Variants in TEX264 observed in about 807,000 individuals in gnomAD.
The protein encoded by TEX264 is testis-expressed protein 264.
In TEX264, 13 loss-of-function variants were observed where a neutral mutation model predicts 23.4. That is an observed-to-expected ratio of 0.56 (90% CI 0.36 to 0.88). The LOEUF is 0.88. TEX264 is among the 40% of genes least tolerant of loss of function. TEX264 has a pLI of 0.01. For missense variants in TEX264, 340 were observed against 406.8 expected (o/e 0.84, Z 1.41); for synonymous variants, 159 against 170.0 (o/e 0.94, Z 0.50).
At chr3:51,682,840 G>C (rs1484695227) in intron 2 of TEX264, 4 of 152,300 alleles carry the variant, frequency 2.6e-5, no homozygotes, top group Admixed American at 2.6e-4. Flanking sequence ...CAGAGCTGCA[G>C]ACAGTTGAGG....
At chr3:51,672,417 T>C (rs1450733806) in intron 1 of TEX264, 1 of 149,586 alleles carries the variant, frequency 6.7e-6, no homozygotes, top group Non-Finnish European at 1.5e-5. Flanking sequence ...CCCCCGCCGT[T>C]TTCTGAGCAG....
intron 1 of TEX264, 74 bp from the exon 2 acceptor site, chr3:51,674,197 A>T: frequency 5.2e-6 from 8 of 1,535,338 alleles, no homozygotes; most frequent in Non-Finnish European, 7.1e-6. Context: ...GTTGGGCCAG[A>T]ACTGGTTGGC....
At chr3:51,692,015 C>CCCCCAGGGA (rs1702846527) in intron 3 of TEX264, among the ~76,000 whole-genome samples, 1 of 152,220 alleles carries the variant, frequency 6.6e-6, no homozygotes, top group Non-Finnish European at 1.5e-5. Context: ...CTTAGCCTCT[C>CCCCCAGGGA]TGGCTTTACC....
rs1198863842 is a variant in TEX264, at chr3:51,703,449, GAGGCTA to G, written c.650-273_650-268del. Among the ~76,000 whole-genome samples, 1 of 152,168 alleles carries G rather than the reference GAGGCTA, an allele frequency of 6.6e-6. No homozygotes were observed. Among genetic ancestry groups the G allele is most frequent in the African/African-American group, 2.4e-5 (1 of 41,446 alleles). On this transcript the variant is annotated intron_variant, in intron 4 of 4. Coordinates refer to ENST00000341333, the MANE Select transcript of TEX264 (RefSeq NM_015926.6). This position sits in a 1 kb window ranked among gnomAD's most constrained non-coding sequence, Gnocchi z 4.8. ...AGGCTTTGTGGAAGTGCAGGGAGCT[GAGGCTA>G]ATTTAGAGTGGGGAGAAGAGTGCAC...
rs757405334 is a variant in TEX264, at chr3:51,703,899, G to T, written c.825G>T (p.Glu275Asp). The change falls in exon 5 of 5, where the codon GAG becomes GAT. Residue 275 changes from glutamate (E) to aspartate (D), a missense_variant. Glu to Asp is a conservative substitution (Grantham distance 45, BLOSUM62 2). Transcript: ENST00000341333. This position sits in a 1 kb window ranked among gnomAD's most constrained non-coding sequence, Gnocchi z 4.8. ...GTGCCAGCGGCTCCTCTTTTGAGGAGCTGGACTTGGAGGGCGAGGGGCCCT... is the reference window on the plus strand; with the variant it reads ...GTGCCAGCGGCTCCTCTTTTGAGGATCTGGACTTGGAGGGCGAGGGGCCCT... ...ESGASGSSFE[E>D]LDLEGEGPLG... 2 of 1,611,354 alleles carry T rather than the reference G, an allele frequency of 1.2e-6. No homozygotes were observed. Among genetic ancestry groups the T allele is most frequent in the Non-Finnish European group, 1.7e-6 (2 of 1,178,164 alleles).
rs780205946 is a variant in TEX264 at position 51,674,536 on chromosome 3, G to T, written c.232G>T (p.Ala78Ser). ...CATCTCTCCCAAGCTCCGCTCCATCGCTGTCTACTATGACAACCCCCACAT... is the reference window on the plus strand; with the variant it reads ...CATCTCTCCCAAGCTCCGCTCCATCTCTGTCTACTATGACAACCCCCACAT... ...CSISPKLRSI[A>S]VYYDNPHMVP... Residue 78 changes from alanine (A) to serine (S), a missense_variant, in exon 2 of 5, where the codon GCT (alanine) becomes TCT (serine). Coordinates refer to ENST00000341333, the MANE Select transcript of TEX264 (RefSeq NM_015926.6). 6.2e-7 allele frequency: 1 copy of T among 1,614,084 alleles called. No individual in the cohort carries two copies. Among genetic ancestry groups the T allele is most frequent in the Admixed American group, 1.7e-5 (1 of 60,020 alleles).
chr3:51,690,005 C>T (rs181818484), intron 3 of TEX264, among the ~76,000 whole-genome samples: 1 of 152,316 alleles, frequency 6.6e-6, no homozygotes, highest in Non-Finnish European at 1.5e-5. Context: ...GGAACTAAGG[C>T]CTGTGGGCCC....
chr3:51,698,013 G>A (rs1372926346), intron 3 of TEX264, among the ~76,000 whole-genome samples: 1 of 152,136 alleles, frequency 6.6e-6, no homozygotes, highest in Non-Finnish European at 1.5e-5. Flanking sequence ...AGGATGGAAG[G>A]CTTTGCCTGG....
At chr3:51,675,626 G>A (rs1048276772) in intron 2 of TEX264, among the ~76,000 whole-genome samples, 2 of 152,234 alleles carry the variant, frequency 1.3e-5, no homozygotes, top group Non-Finnish European at 2.9e-5. Flanking sequence ...AAGACACTGT[G>A]CTTGATGTCC....
At chr3:51,684,678 C>T in intron 3 of TEX264, 44 bp downstream of exon 3, 1 of 1,596,202 alleles carries the variant, frequency 6.3e-7, no homozygotes, top group South Asian at 1.1e-5. Flanking sequence ...ACAGCCAGGC[C>T]CCTTGGGTGG....
intron 3 of TEX264, among the ~76,000 whole-genome samples, chr3:51,693,128 A>C (rs1702886875): frequency 6.6e-6 from 1 of 152,190 alleles, no homozygotes; most frequent in African/African-American, 2.4e-5. Context: ...ACTGCTGCCT[A>C]GGCCCTCCTC....
chr3:51,702,579 C>T (rs1185675269), intron 4 of TEX264, among the ~76,000 whole-genome samples: 1 of 152,226 alleles, frequency 6.6e-6, no homozygotes, highest in African/African-American at 2.4e-5. Flanking sequence ...ACCCCAGCTG[C>T]ACCTGGCTTG....
chr3:51,700,362 C>T (rs918403372), intron 4 of TEX264, among the ~76,000 whole-genome samples: 1 of 152,056 alleles, frequency 6.6e-6, no homozygotes, highest in Non-Finnish European at 1.5e-5. Context: ...TTAGCAGATG[C>T]TCTGCCCATC....
intron 2 of TEX264, among the ~76,000 whole-genome samples, chr3:51,680,043 C>A (rs188233521): frequency 6.6e-6 from 1 of 152,286 alleles, no homozygotes; most frequent in East Asian, 1.9e-4. Flanking sequence ...CTTGGGAGTA[C>A]AAGTGCAAAT....
At chr3:51,688,079 G>A (rs957586105) in intron 3 of TEX264, among the ~76,000 whole-genome samples, 1 of 152,240 alleles carries the variant, frequency 6.6e-6, no homozygotes, top group East Asian at 1.9e-4. Context: ...CATGCGTACT[G>A]TGTGACCATC....
intron 3 of TEX264, among the ~76,000 whole-genome samples, chr3:51,695,139 G>A (rs945320722): frequency 1.3e-5 from 2 of 152,216 alleles, no homozygotes; most frequent in African/African-American, 4.8e-5. Flanking sequence ...ACTACCTCGG[G>A]TGGGATGCAA....
intron 2 of TEX264, among the ~76,000 whole-genome samples, chr3:51,675,119 A>G (rs1406907444): frequency 6.6e-6 from 1 of 152,192 alleles, no homozygotes; most frequent in Non-Finnish European, 1.5e-5. Flanking sequence ...TTAGACCTCA[A>G]GCTGGTGCTG....
Position 51,689,450 on chromosome 3 carries a change from A to AT in TEX264, c.480+4818dup, listed in dbSNP as rs1702745304. On this transcript the variant is annotated intron_variant, in intron 3 of 4. Coordinates refer to ENST00000341333, the MANE Select transcript of TEX264 (RefSeq NM_015926.6). ...ATCTCAAAAAAATAAAAGTAAAAAC[A>AT]TTAAAAAAAAAAAAAAAGGGAAGGA... is the stretch of plus-strand genomic sequence containing the variant. Among the ~76,000 whole-genome samples the AT allele has an allele frequency of 2.1e-5, 3 of 144,710 alleles. No individual in the cohort carries two copies. In the South Asian group the frequency reaches 6.4e-4, roughly 31 times the overall value. The allele number at this position is 144,710 out of a possible 152,430, so 94.9% of individuals were successfully genotyped here. A position where few individuals can be genotyped will look rare whatever the true frequency, so the allele number is the denominator to read the frequency against.
chr3:51,699,879 C>T (rs1282089434), intron 4 of TEX264, among the ~76,000 whole-genome samples: 7 of 152,172 alleles, frequency 4.6e-5, no homozygotes, highest in Non-Finnish European at 8.8e-5. Context: ...AGATCACAGA[C>T]AGCTCGATGT....
Sources: allele counts gnomAD v4.1 joint callset (sites outside exome capture counted in the v4.1 genomes callset), GRCh38; gene constraint gnomAD v4.1.1; non-coding constraint Gnocchi (gnomAD v3.1); transcripts MANE v1.5; gene names NCBI Gene and HGNC (gene_info 2026-07-23, HGNC 2026-07-21).